Variants in SLFN12L observed in about 807,000 individuals in gnomAD.
SLFN12L encodes the protein schlafen family member 12 like, also known as schlafen family member 12-like.
A neutral mutation model predicts 34.8 loss-of-function variants in SLFN12L; 34 were observed. The ratio of observed to expected loss-of-function variants is 0.98; its 90% CI spans 0.74 to 1.30. SLFN12L has a LOEUF of 1.30. Among genes scored for constraint, SLFN12L ranks in the 50% most tolerant of loss-of-function variants. The pLI, the probability that SLFN12L is intolerant of heterozygous loss-of-function variation, is 0.00. For missense variants in SLFN12L, 703 were observed against 696.2 expected (o/e 1.01, Z -0.11); for synonymous variants, 259 against 247.5 (o/e 1.05, Z -0.44).
intron 2 of SLFN12L, among the ~76,000 whole-genome samples, chr17:35,484,500 C>A (rs1209326907): frequency 6.6e-6 from 1 of 152,146 alleles, no homozygotes; most frequent in Non-Finnish European, 1.5e-5. Context: ...ATTTCCAGTG[C>A]CAGGTACCAA....
At chr17:35,518,561 A>T (rs1204354608) in intron 2 of SLFN12L, among the ~76,000 whole-genome samples, 4 of 151,962 alleles carry the variant, frequency 2.6e-5, no homozygotes, top group East Asian at 3.9e-4. Context: ...AAAAAAAAAA[A>T]AAAAAGACAT....
chr17:35,529,109 G>C (rs1349352709), intron 1 of SLFN12L, among the ~76,000 whole-genome samples: 1 of 152,146 alleles, frequency 6.6e-6, no homozygotes, highest in Non-Finnish European at 1.5e-5. Context: ...CATCATCACT[G>C]GTCATTAGAG....
rs1011544104 is a variant in SLFN12L, at chr17:35,520,094, C to T, written c.86+2185G>A. 4.0e-4 allele frequency among the ~76,000 whole-genome samples: 61 copies of T among 152,358 alleles called. 1 individual carries two copies. Among genetic ancestry groups the T allele is most frequent in the African/African-American group, 1.4e-3 (58 of 41,586 alleles). On this transcript the variant is annotated intron_variant, in intron 2 of 4. Coordinates refer to ENST00000628453, the MANE Select transcript of SLFN12L (RefSeq NM_001363830.2). ...AAGAATTGAGTCACGCGTCCCTACA[C>T]TTAAAGAATAAACTATGTTCTAATA...
At chr17:35,511,102 A>G (rs971638591) in intron 2 of SLFN12L, among the ~76,000 whole-genome samples, 2 of 152,228 alleles carry the variant, frequency 1.3e-5, no homozygotes, top group Non-Finnish European at 2.9e-5. Context: ...ACATTTAACT[A>G]AAGATTGTAT....
In SLFN12L at chr17:35,497,887, A is replaced by T. The variant is rs1326994430; in HGVS notation, c.87-17692T>A. 2.0e-5 allele frequency among the ~76,000 whole-genome samples: 3 copies of T among 152,202 alleles called. No individual in the cohort carries two copies. In the East Asian group the frequency reaches 5.8e-4, roughly 29 times the overall value. On this transcript the variant is annotated intron_variant, in intron 2 of 4. Coordinates refer to ENST00000628453, the MANE Select transcript of SLFN12L (RefSeq NM_001363830.2). The stretch of plus-strand genomic sequence containing the variant: ...CTCAATCTTCGTGAAAAGTCTTAGT[A>T]AGGAAAGGATTCTTGGGCCAGGCGA...
At chr17:35,500,279 T>C (rs1915244969) in intron 2 of SLFN12L, 1 of 152,196 alleles carries the variant, frequency 6.6e-6, no homozygotes, top group Admixed American at 6.5e-5. Flanking sequence ...GAAGCTTTAA[T>C]TTCTAGTATT....
chr17:35,508,829 T>C (rs145574229), intron 2 of SLFN12L, among the ~76,000 whole-genome samples: 290 of 152,292 alleles, frequency 1.9e-3, no homozygotes, highest in African/African-American at 6.5e-3. Context: ...ATAATATTTA[T>C]ACTGACCTTA....
intron 2 of SLFN12L, among the ~76,000 whole-genome samples, chr17:35,486,471 C>T (rs1202827572): frequency 1.3e-5 from 2 of 152,108 alleles, no homozygotes; most frequent in Non-Finnish European, 2.9e-5. Flanking sequence ...TATAGAGGAC[C>T]GAGCACTTGT....
At chr17:35,500,318 CTCA>C (rs1915246727) in intron 2 of SLFN12L, 1 of 152,142 alleles carries the variant, frequency 6.6e-6, no homozygotes, top group Non-Finnish European at 1.5e-5. Context: ...GAGACCACCC[CTCA>C]TATTGTCTTA....
rs780652345 is a variant in SLFN12L, at chr17:35,478,198, G to A, written c.1166-13C>T. On this transcript the variant is annotated splice_polypyrimidine_tract_variant and intron_variant, in intron 3 of 4. Transcript: ENST00000628453. ...AGTTCCTCACATACTATGGAATAAT[G>A]TTAGAAAACAAAAATCACGCTCTTA... 9.4e-6 allele frequency: 14 copies of A among 1,496,342 alleles called. No homozygotes were observed. The highest frequency in any genetic ancestry group is 1.3e-5 in the Non-Finnish European group (14 of 1,100,416). The allele number at this position is 1,496,342 out of a possible 1,614,324, so 92.7% of individuals were successfully genotyped here.
rs766673635 is a variant in SLFN12L at position 35,480,064 on chromosome 17, AT to A, written c.217del (p.Met73Ter). Reference sequence around the variant, plus strand: ...CTGTTTTCTCAGTTGACAATCCTTCATTTTTTTTCTATTGTTCTCTCCAAGA... The same window carrying A: ...CTGTTTTCTCAGTTGACAATCCTTCATTTTTTTCTATTGTTCTCTCCAAGA... ...VTLGENNRKK[M>X]KDCQLRKQQN... On this transcript the variant is annotated frameshift_variant, in exon 3 of 5. Transcript: ENST00000628453. LOFTEE classifies it high-confidence loss of function. The A allele has an allele frequency of 5.6e-6, 9 of 1,613,766 alleles. No individual in the cohort carries two copies. Among genetic ancestry groups the A allele is most frequent in the Non-Finnish European group, 7.6e-6 (9 of 1,179,932 alleles).
In SLFN12L at chr17:35,475,217, T is replaced by C. The variant is rs765324296; in HGVS notation, c.1545A>G (p.Gln515=). ...QDEEFKDYST[Q]TAQTLKQKLA... ...GCTTCTGTTTTAAAGTTTGGGCAGT[T>C]TGTGTAGAATAGTCTTTAAACTCCT... Residue 515 remains glutamine, a synonymous_variant, in exon 5 of 5, where the codon CAA becomes CAG. Coordinates refer to ENST00000628453, the MANE Select transcript of SLFN12L (RefSeq NM_001363830.2). 3 of 1,614,174 alleles carry C rather than the reference T, an allele frequency of 1.9e-6. No individual in the cohort carries two copies. The East Asian group carries it at 6.7e-5, about 36-fold the overall frequency.
Position 35,474,690 on chromosome 17 carries a change from G to GA in SLFN12L, c.*232_*233insT, listed in dbSNP as rs1555538111. 8.5e-6 allele frequency: 3 copies of GA among 353,432 alleles called. No individual in the cohort carries two copies. The highest frequency in any genetic ancestry group is 2.9e-5 in the South Asian group (1 of 34,366). The allele number at this position is 353,432 out of a possible 1,614,324, so 21.9% of individuals were successfully genotyped here. On this transcript the variant is annotated 3_prime_UTR_variant, in exon 5 of 5. Transcript: ENST00000628453. ...TACTCCTAGCACTTTGGGAGACCGG[G>GA]GGGGGGGGTTGAATCACGAGGTCAG...
intron 2 of SLFN12L, among the ~76,000 whole-genome samples, chr17:35,518,405 G>A (rs997519025): frequency 1.3e-5 from 2 of 152,140 alleles, no homozygotes; most frequent in African/African-American, 4.8e-5. Flanking sequence ...ACAAAAATTA[G>A]CTGGGCATTG....
At chr17:35,475,679 A>T (rs1297629154) in intron 4 of SLFN12L, among the ~76,000 whole-genome samples, 194 bp from the exon 5 acceptor site, 1 of 152,074 alleles carries the variant, frequency 6.6e-6, no homozygotes, top group East Asian at 1.9e-4. Context: ...CAGGAGGATC[A>T]CTTGTGCCCA....
intron 2 of SLFN12L, among the ~76,000 whole-genome samples, chr17:35,520,084 C>T (rs891205233): frequency 2.6e-5 from 4 of 151,684 alleles, no homozygotes; most frequent in African/African-American, 9.7e-5. Context: ...TTGAGTCACG[C>T]GTCCCTACAC....
At chr17:35,532,569 G>A (rs1014646303) in intron 1 of SLFN12L, among the ~76,000 whole-genome samples, 19 of 152,084 alleles carry the variant, frequency 1.2e-4, no homozygotes, top group Admixed American at 9.2e-4. Flanking sequence ...ACCTGGCTCC[G>A]TTGGGATTAC....
intron 2 of SLFN12L, among the ~76,000 whole-genome samples, chr17:35,488,316 A>G (rs1012769472): frequency 3.3e-5 from 5 of 152,242 alleles, no homozygotes; most frequent in Non-Finnish European, 7.3e-5. Flanking sequence ...AGTTGACGCC[A>G]GAAACCGGGG....
chr17:35,474,694 G>C lies in SLFN12L; in HGVS notation c.*229C>G, dbSNP rs1325521721. On this transcript the variant is annotated 3_prime_UTR_variant, in exon 5 of 5. Transcript: ENST00000628453. ...CCTAGCACTTTGGGAGACCGGGGGG[G>C]GGGGTTGAATCACGAGGTCAGGAGT... The C allele has an allele frequency of 3.7e-5, 14 of 376,078 alleles. No homozygotes were observed. The highest frequency in any genetic ancestry group is 1.8e-4 in the Admixed American group (4 of 22,038). 23.3% of individuals were successfully genotyped at this position (376,078 alleles called of 1,614,324 possible). A position where few individuals can be genotyped will look rare whatever the true frequency, so the allele number is the denominator to read the frequency against.
Sources: gnomAD v4.1 joint callset for allele counts (sites outside exome capture counted in the v4.1 genomes callset) on GRCh38, gnomAD v4.1.1 for gene constraint, MANE v1.5 for transcripts, NCBI Gene and HGNC (gene_info 2026-07-23, HGNC 2026-07-21) for gene names.